SAP130: variants seen among roughly 807,000 people sequenced by gnomAD.
SAP130 encodes Sin3A associated protein 130, also known as histone deacetylase complex subunit SAP130.
SAP130 carries 16 observed loss-of-function variants against 103.2 expected under a neutral mutation model. The observed-to-expected ratio is 0.16, with a 90% CI of 0.10 to 0.24. The LOEUF (loss-of-function observed/expected upper bound fraction) is 0.24. Ranked by LOEUF, SAP130 falls within the 10% of genes least tolerant of loss-of-function variation. SAP130 has a pLI of 1.00. For missense variants in SAP130, 990 were observed against 1,359.7 expected, an observed-to-expected ratio of 0.73 and a Z score of 4.28; for synonymous variants, 477 against 497.0, an observed-to-expected ratio of 0.96 and a Z score of 0.53.
At chr2:128,003,207 T>C (rs752108098) in intron 7 of SAP130, among the ~76,000 whole-genome samples, 10 of 150,970 alleles carry the variant, frequency 6.6e-5, no homozygotes, top group Non-Finnish European at 1.3e-4. Context: ...GAAAGAGACT[T>C]TGATTAAAAT....
At chr2:128,007,502 C>T (rs934960250) in intron 7 of SAP130, among the ~76,000 whole-genome samples, 10 of 152,192 alleles carry the variant, frequency 6.6e-5, no homozygotes, top group African/African-American at 2.4e-4. Flanking sequence ...TGAATTTCCT[C>T]ATACCATCTG....
chr2:127,969,170 G>C (rs1056412415), intron 15 of SAP130, among the ~76,000 whole-genome samples: 1 of 152,136 alleles, frequency 6.6e-6, no homozygotes, highest in Non-Finnish European at 1.5e-5. Context: ...AGGTTGGCGG[G>C]GGGAGAGGGA....
chr2:127,989,760 A>G lies in SAP130; in HGVS notation c.1584T>C (p.His528=), dbSNP rs1297339998. The G allele has an allele frequency of 1.2e-6, 2 of 1,614,120 alleles. No individual in the cohort carries two copies. The highest frequency in any genetic ancestry group is 1.7e-6 in the Non-Finnish European group (2 of 1,180,056). ...PMQLMTVDAS[H]ARHIQGIQPA... ...GCTGGATCCCTTGAATATGTCGAGC[A>G]TGCGATGCATCCACTGTCATCAACT... Residue 528 remains histidine, a synonymous_variant, in exon 13 of 21, where the codon CAT becomes CAC. Transcript: ENST00000643581. The surrounding 1 kb of genome is among the most constrained non-coding windows in gnomAD (Gnocchi z 4.6).
chr2:127,967,956 A>G (rs1680775706), intron 15 of SAP130, among the ~76,000 whole-genome samples: 1 of 152,200 alleles, frequency 6.6e-6, no homozygotes, highest in African/African-American at 2.4e-5. Flanking sequence ...TTCCAAGTAC[A>G]ATGGAAAGGA....
At chr2:127,952,624 T>G (rs1679572993) in intron 16 of SAP130, among the ~76,000 whole-genome samples, 1 of 152,082 alleles carries the variant, frequency 6.6e-6, no homozygotes, top group Non-Finnish European at 1.5e-5. Flanking sequence ...ACAGAAAAAC[T>G]GCTTTTCTCA....
chr2:127,951,192 C>T (rs556813959), intron 16 of SAP130, among the ~76,000 whole-genome samples: 4 of 152,246 alleles, frequency 2.6e-5, no homozygotes, highest in African/African-American at 4.8e-5. Context: ...TCTCACCGAC[C>T]GCAGTGTGCT....
Position 127,942,208 on chromosome 2 carries a change from T to G in SAP130, c.3016-44A>C. 6.5e-7 allele frequency: 1 copy of G among 1,532,790 alleles called. No individual in the cohort carries two copies. The highest frequency in any genetic ancestry group is 8.8e-7 in the Non-Finnish European group (1 of 1,137,528). The allele number at this position is 1,532,790 out of a possible 1,614,324, so 94.9% of individuals were successfully genotyped here. Reference sequence around the variant, plus strand: ...CATCATCAATCAGTGACCATGAGGATAGTACAGCTTTTAAAAAACTGCTTG... The same window carrying G: ...CATCATCAATCAGTGACCATGAGGAGAGTACAGCTTTTAAAAAACTGCTTG... On this transcript the variant is annotated intron_variant, in intron 20 of 20. Coordinates refer to ENST00000643581, the MANE Select transcript of SAP130 (RefSeq NM_001330301.2). This position sits in a 1 kb window ranked among gnomAD's most constrained non-coding sequence, Gnocchi z 4.8.
rs764535050 is a variant in SAP130, at chr2:127,945,484, T to C, written c.2873A>G (p.His958Arg). Residue 958 changes from histidine (H) to arginine (R), a missense_variant, in exon 19 of 21, where the codon CAC (histidine) becomes CGC (arginine). Coordinates refer to ENST00000643581, the MANE Select transcript of SAP130 (RefSeq NM_001330301.2). Reference sequence around the variant, plus strand: ...CTGTAGTAACTGGGCAGCACAGAGGTGGACTTTCCAGCCTTGAGCACGACA... The same window carrying C: ...CTGTAGTAACTGGGCAGCACAGAGGCGGACTTTCCAGCCTTGAGCACGACA... The part of the protein sequence containing the change: ...VSCRAQGWKV[H>R]LCAAQLLQLT... 2.5e-6 allele frequency: 4 copies of C among 1,612,100 alleles called. No individual in the cohort carries two copies. The highest frequency in any genetic ancestry group is 3.4e-6 in the Non-Finnish European group (4 of 1,178,188).
Position 127,981,168 on chromosome 2 carries a change from C to T in SAP130, c.1959-3079G>A, listed in dbSNP as rs541123364. Among the ~76,000 whole-genome samples the T allele has an allele frequency of 5.3e-5, 8 of 152,098 alleles. No homozygotes were observed. The South Asian group carries it at 1.5e-3, about 28-fold the overall frequency. On this transcript the variant is annotated intron_variant, in intron 14 of 20. Coordinates refer to ENST00000643581, the MANE Select transcript of SAP130 (RefSeq NM_001330301.2). ...AAACCCCCACCCCACCCTTCACTGA[C>T]CCCTCCAGTAACTGTCCAGTTACAG...
chr2:127,959,706 G>A (rs996706938), intron 15 of SAP130, among the ~76,000 whole-genome samples: 1 of 152,102 alleles, frequency 6.6e-6, no homozygotes, highest in African/African-American at 2.4e-5. Context: ...AGTAAGACAA[G>A]AGATAAATGA....
intron 1 of SAP130, 94 bp from the exon 2 acceptor site, chr2:128,026,392 C>A: frequency 2.4e-6 from 2 of 826,032 alleles, no homozygotes; most frequent in Admixed American, 2.2e-5. Context: ...TGAGATAGTC[C>A]CTTGGAAAAG....
intron 12 of SAP130, among the ~76,000 whole-genome samples, 174 bp from the exon 13 acceptor site, chr2:127,990,040 TTA>T (rs572238068): frequency 3.9e-4 from 59 of 152,338 alleles, no homozygotes; most frequent in South Asian, 4.1e-4. Flanking sequence ...CTTGGGATTG[TTA>T]TTTCCTTTCA....
intron 4 of SAP130, 83 bp downstream of exon 4, chr2:128,016,306 A>C: frequency 7.3e-7 from 1 of 1,378,534 alleles, no homozygotes. Flanking sequence ...TACCGTGACT[A>C]ATGTACTGCT....
At chr2:127,978,821 T>A in intron 14 of SAP130, among the ~76,000 whole-genome samples, 1 of 152,118 alleles carries the variant, frequency 6.6e-6, no homozygotes, top group Non-Finnish European at 1.5e-5. Flanking sequence ...TATGAAGTAG[T>A]CTTGCCATAA....
rs1167049431 is a variant in SAP130, at chr2:127,941,492, T to A, written c.*514A>T. 3.9e-5 allele frequency: 6 copies of A among 154,476 alleles called. No homozygotes were observed. In the Admixed American group the frequency reaches 3.9e-4, roughly 10 times the overall value. 9.6% of individuals were successfully genotyped at this position (154,476 alleles called of 1,614,324 possible). ...TTCAAACCCTTTAGAGTGTGAGATG[T>A]GGCAGCTCGCTTGGTGCCGTGGCAC... On this transcript the variant is annotated 3_prime_UTR_variant, in exon 21 of 21. Coordinates refer to ENST00000643581, the MANE Select transcript of SAP130 (RefSeq NM_001330301.2).
intron 7 of SAP130, among the ~76,000 whole-genome samples, chr2:128,007,362 G>A (rs965018078): frequency 3.9e-5 from 6 of 152,212 alleles, no homozygotes; most frequent in Non-Finnish European, 5.9e-5. Flanking sequence ...GAGGAGGTGC[G>A]TAGGTTATAC....
At position 127,980,853 on chromosome 2, in the gene SAP130, C is replaced by T. The variant is rs139170199; in HGVS notation, c.1959-2764G>A. On this transcript the variant is annotated intron_variant, in intron 14 of 20. Transcript: ENST00000643581. ...TAAATGCTGCAGTAAGCTGTGATCG[C>T]GCCACCACAGTCCAACCTGGGAGAC... Among the ~76,000 whole-genome samples, 9 of 151,684 alleles carry T rather than the reference C, an allele frequency of 5.9e-5. No homozygotes were observed. The East Asian group carries it at 1.7e-3, about 29-fold the overall frequency.
intron 18 of SAP130, 151 bp from the exon 19 acceptor site, chr2:127,945,710 T>C (rs143371302): frequency 8.3e-6 from 5 of 604,664 alleles, no homozygotes; most frequent in Admixed American, 8.2e-5. Context: ...TGAAGTGCAG[T>C]GGTACAATCT....
intron 2 of SAP130, among the ~76,000 whole-genome samples, chr2:128,020,081 C>T (rs934216743): frequency 3.3e-5 from 5 of 151,950 alleles, no homozygotes; most frequent in Non-Finnish European, 5.9e-5. Context: ...CCAAACTTAC[C>T]CCACAAAGGC....
Sources: allele counts gnomAD v4.1 joint callset (sites outside exome capture counted in the v4.1 genomes callset), GRCh38; gene constraint gnomAD v4.1.1; non-coding constraint Gnocchi (gnomAD v3.1); transcripts MANE v1.5; gene names NCBI Gene and HGNC (gene_info 2026-07-23, HGNC 2026-07-21).